QSOX2: variants seen among roughly 807,000 people sequenced by gnomAD.
QSOX2 encodes quiescin sulfhydryl oxidase 2.
QSOX2 carries 46 observed loss-of-function variants against 61.7 expected under a neutral mutation model. The ratio of observed to expected loss-of-function variants is 0.75; its 90% CI spans 0.59 to 0.95. QSOX2 has a LOEUF of 0.95. Ranked by LOEUF, QSOX2 falls within the 40% of genes least tolerant of loss-of-function variation. The probability of loss-of-function intolerance (pLI) is 0.00; values close to 1 mark genes in which losing one functional copy is unlikely to be tolerated. For synonymous variants in QSOX2, 383 were observed against 388.4 expected (o/e 0.99, Z 0.16); for missense variants, 879 against 918.9 (o/e 0.96, Z 0.56).
chr9:136,232,576 A>G (rs1396283876), intron 1 of QSOX2, among the ~76,000 whole-genome samples: 1 of 152,160 alleles, frequency 6.6e-6, no homozygotes, highest in East Asian at 1.9e-4. Context: ...AAACTCACAC[A>G]CGCAAAACTT....
Position 136,216,590 on chromosome 9 carries a change from T to G in QSOX2, c.1209+10A>C. On this transcript the variant is annotated intron_variant, in intron 9 of 11. Coordinates refer to ENST00000358701, the MANE Select transcript of QSOX2 (RefSeq NM_181701.4). Reference sequence around the variant, plus strand: ...GGTGCAGCGTGGCTGGCGAGGGTTCTGGGGCTCACCCGCATCTTGTTGTTG... The same window carrying G: ...GGTGCAGCGTGGCTGGCGAGGGTTCGGGGGCTCACCCGCATCTTGTTGTTG... 6.2e-7 allele frequency: 1 copy of G among 1,613,434 alleles called. No homozygotes were observed. The highest frequency in any genetic ancestry group is 8.5e-7 in the Non-Finnish European group (1 of 1,179,686).
Position 136,245,338 on chromosome 9 carries a change from G to A in QSOX2, c.328+138C>T. 3 of 721,302 alleles carry A rather than the reference G, an allele frequency of 4.2e-6. No individual in the cohort carries two copies. In the South Asian group the frequency reaches 5.6e-5, roughly 14 times the overall value. 44.7% of individuals were successfully genotyped at this position (721,302 alleles called of 1,614,324 possible). A position where few individuals can be genotyped will look rare whatever the true frequency, so the allele number is the denominator to read the frequency against. Reference sequence around the variant, plus strand: ...TTGGTCCGAGTCGGGTGCCTCTGTGGGGCAGGGACTGGCTCTGCGGTAAGG... The same window carrying A: ...TTGGTCCGAGTCGGGTGCCTCTGTGAGGCAGGGACTGGCTCTGCGGTAAGG... On this transcript the variant is annotated intron_variant, in intron 1 of 11. Coordinates refer to ENST00000358701, the MANE Select transcript of QSOX2 (RefSeq NM_181701.4).
In QSOX2 at chr9:136,215,313, C is replaced by T. The variant is rs987521422; in HGVS notation, c.1210-9G>A. Reference sequence around the variant, plus strand: ...AGGAATATTCCAGAAATCTGAAAAACAAACAAACAAAAAAACCCCAAAGAA... The same window carrying T: ...AGGAATATTCCAGAAATCTGAAAAATAAACAAACAAAAAAACCCCAAAGAA... On this transcript the variant is annotated splice_polypyrimidine_tract_variant and intron_variant, in intron 9 of 11. Transcript: ENST00000358701. 63 of 1,590,128 alleles carry T rather than the reference C, an allele frequency of 4.0e-5. No homozygotes were observed. The highest frequency in any genetic ancestry group is 5.0e-5 in the Non-Finnish European group (59 of 1,170,470).
chr9:136,208,563 A>G lies in QSOX2; in HGVS notation c.*165T>C. On this transcript the variant is annotated 3_prime_UTR_variant, in exon 12 of 12. Transcript: ENST00000358701. ...TACCCCGTGTTCTTCCCTTGTTAGA[A>G]GAGCGTTTGTAAAACCAGGACTTTG... 2.8e-6 allele frequency: 2 copies of G among 727,158 alleles called. No homozygotes were observed. The highest frequency in any genetic ancestry group is 4.6e-5 in the South Asian group (2 of 43,458). 45.0% of individuals were successfully genotyped at this position (727,158 alleles called of 1,614,324 possible). A position where few individuals can be genotyped will look rare whatever the true frequency, so the allele number is the denominator to read the frequency against.
chr9:136,241,850 C>T (rs1481297683), intron 1 of QSOX2, among the ~76,000 whole-genome samples: 1 of 152,206 alleles, frequency 6.6e-6, no homozygotes, highest in South Asian at 2.1e-4. Flanking sequence ...CTCAGGCTGA[C>T]CAAGTGAAGG....
chr9:136,242,385 C>T (rs1203203888), intron 1 of QSOX2, among the ~76,000 whole-genome samples: 1 of 152,220 alleles, frequency 6.6e-6, no homozygotes, highest in Admixed American at 6.5e-5. Flanking sequence ...GCGTGGCGGG[C>T]GCTGGCCAGG....
chr9:136,217,013 G>GT (rs1831922121), intron 8 of QSOX2, among the ~76,000 whole-genome samples: 1 of 152,254 alleles, frequency 6.6e-6, no homozygotes, highest in African/African-American at 2.4e-5. Flanking sequence ...CTCCGGCCAG[G>GT]TGACAGGCAA....
At position 136,210,595 on chromosome 9, in the gene QSOX2, C is replaced by T. The variant is rs528446688; in HGVS notation, c.1549+669G>A. The T allele has an allele frequency of 3.0e-6, 3 of 985,446 alleles. No individual in the cohort carries two copies. The South Asian group carries it at 1.4e-4, about 46-fold the overall frequency. The allele number at this position is 985,446 out of a possible 1,614,324, so 61.0% of individuals were successfully genotyped here. On this transcript the variant is annotated intron_variant, in intron 11 of 11. Coordinates refer to ENST00000358701, the MANE Select transcript of QSOX2 (RefSeq NM_181701.4). ...ACACACAGCGCCTTCGTCACATGAC[C>T]CCGGCCCCGGCAGTCAGGCTCAGGG... is the stretch of plus-strand genomic sequence containing the variant.
At chr9:136,213,745 T>C (rs1370412838) in intron 10 of QSOX2, among the ~76,000 whole-genome samples, 1 of 152,190 alleles carries the variant, frequency 6.6e-6, no homozygotes, top group East Asian at 1.9e-4. Context: ...AGTAATAATA[T>C]GTGACTCCAC....
intron 1 of QSOX2, among the ~76,000 whole-genome samples, chr9:136,228,366 C>T (rs544739241): frequency 1.4e-4 from 22 of 152,166 alleles, no homozygotes; most frequent in Non-Finnish European, 2.6e-4. Flanking sequence ...GTGCCTGGCT[C>T]GTGCTTCAGT....
At chr9:136,213,708 T>C (rs1188616096) in intron 10 of QSOX2, among the ~76,000 whole-genome samples, 2 of 152,144 alleles carry the variant, frequency 1.3e-5, no homozygotes, top group Non-Finnish European at 2.9e-5. Context: ...ACCACGAATT[T>C]AGGCTGGGTC....
intron 11 of QSOX2, chr9:136,210,480 C>T: frequency 2.0e-6 from 2 of 985,460 alleles, no homozygotes; most frequent in Non-Finnish European, 2.4e-6. Flanking sequence ...TCGGGGAAAG[C>T]ACAGGGAGCT....
chr9:136,234,882 C>T (rs1315319433), intron 1 of QSOX2, among the ~76,000 whole-genome samples: 2 of 86,076 alleles, frequency 2.3e-5, no homozygotes, highest in Admixed American at 2.7e-4. Context: ...ACCCCAGCGA[C>T]CACAGGCGAG....
chr9:136,227,639 C>T (rs1022453506), intron 1 of QSOX2, among the ~76,000 whole-genome samples: 5 of 152,166 alleles, frequency 3.3e-5, no homozygotes, highest in African/African-American at 1.2e-4. Flanking sequence ...AATCTCAGCA[C>T]GTCATTTCTA....
Position 136,222,018 on chromosome 9 carries a change from C to T in QSOX2, c.676-77G>A. 2 of 1,416,294 alleles carry T rather than the reference C, an allele frequency of 1.4e-6. No homozygotes were observed. Among genetic ancestry groups the T allele is most frequent in the Non-Finnish European group, 1.9e-6 (2 of 1,063,536 alleles). The allele number at this position is 1,416,294 out of a possible 1,614,324, so 87.7% of individuals were successfully genotyped here. ...AAAACACGACGTGCAGACACATGGCCTTGCAGGGAACCTTTCACAAAAGGG... is the reference window on the plus strand; with the variant it reads ...AAAACACGACGTGCAGACACATGGCTTTGCAGGGAACCTTTCACAAAAGGG... On this transcript the variant is annotated intron_variant, in intron 5 of 11. Coordinates refer to ENST00000358701, the MANE Select transcript of QSOX2 (RefSeq NM_181701.4). This position sits in a 1 kb window ranked among gnomAD's most constrained non-coding sequence, Gnocchi z 6.9.
At position 136,208,567 on chromosome 9, in the gene QSOX2, CG is replaced by C. The variant is rs1319685463; in HGVS notation, c.*160del. ...CCGTGTTCTTCCCTTGTTAGAAGAG[CG>C]TTTGTAAAACCAGGACTTTGAAGCC... On this transcript the variant is annotated 3_prime_UTR_variant, in exon 12 of 12. Coordinates refer to ENST00000358701, the MANE Select transcript of QSOX2 (RefSeq NM_181701.4). 1 of 740,300 alleles carries C rather than the reference CG, an allele frequency of 1.4e-6. No individual in the cohort carries two copies. Among genetic ancestry groups the C allele is most frequent in the South Asian group, 2.3e-5 (1 of 43,156 alleles). The allele number at this position is 740,300 out of a possible 1,614,324, so 45.9% of individuals were successfully genotyped here.
intron 1 of QSOX2, 81 bp downstream of exon 1, chr9:136,245,395 G>A: frequency 1.6e-6 from 2 of 1,226,070 alleles, no homozygotes; most frequent in Non-Finnish European, 1.1e-6. Flanking sequence ...CCCGGGACCC[G>A]CCTTCTGGGG....
chr9:136,231,649 T>TCACAGCC (rs1830331061), intron 1 of QSOX2, among the ~76,000 whole-genome samples: 2 of 152,204 alleles, frequency 1.3e-5, no homozygotes, highest in Admixed American at 6.5e-5. Flanking sequence ...GCAGTGCCCC[T>TCACAGCC]CACAGCCCCA....
chr9:136,208,975 G>T lies in QSOX2; in HGVS notation c.1850C>A (p.Pro617His). ...CAAGCTCTCTGGAAGGGCAGGCCTG[G>T]GGCCCAGTGCACCAGGTGGACGGAC... Reference protein sequence around the residue: ...QSVRPPGALGPRPALPESLHH... With the variant: ...QSVRPPGALGHRPALPESLHH... The change falls in exon 12 of 12, where the codon CCC becomes CAC. Residue 617 changes from proline to histidine, a missense_variant. Pro to His is a moderately conservative substitution (Grantham distance 77). Coordinates refer to ENST00000358701, the MANE Select transcript of QSOX2 (RefSeq NM_181701.4). The T allele has an allele frequency of 6.2e-7, 1 of 1,613,708 alleles. No homozygotes were observed.
Sources: allele counts gnomAD v4.1 joint callset (sites outside exome capture counted in the v4.1 genomes callset), GRCh38; gene constraint gnomAD v4.1.1; non-coding constraint Gnocchi (gnomAD v3.1); transcripts MANE v1.5; gene names NCBI Gene and HGNC (gene_info 2026-07-23, HGNC 2026-07-21).